SGCZ: variants seen among roughly 807,000 people sequenced by gnomAD.
SGCZ encodes zeta-sarcoglycan.
In SGCZ, 40 loss-of-function variants were observed where a neutral mutation model predicts 41.3. That is an observed-to-expected ratio of 0.97 (90% CI 0.75 to 1.26). The LOEUF (loss-of-function observed/expected upper bound fraction) is 1.26, where lower values mean the gene tolerates loss of function less well. Ranked by LOEUF, SGCZ falls within the 50% of genes most tolerant of loss-of-function variation. The pLI, the probability that SGCZ is intolerant of heterozygous loss-of-function variation, is 0.00. For missense variants in SGCZ, 552 were observed against 369.8 expected (o/e 1.49, Z -4.04); for synonymous variants, 206 against 137.5 (o/e 1.50, Z -3.49).
At chr8:14,980,360 T>C (rs957685125) in intron 1 of SGCZ, among the ~76,000 whole-genome samples, 1 of 152,232 alleles carries the variant, frequency 6.6e-6, no homozygotes, top group Admixed American at 6.5e-5. Flanking sequence ...AAGTATTGAC[T>C]TGACATCAGA....
At chr8:14,140,138 CTG>C (rs1176277138) in intron 5 of SGCZ, among the ~76,000 whole-genome samples, 8 of 152,172 alleles carry the variant, frequency 5.3e-5, no homozygotes, top group Non-Finnish European at 1.2e-4. Context: ...ATGCTAAAAA[CTG>C]TCAATAAACT....
At chr8:14,101,923 C>CGCTCTGTCGCCCCAGGCTG (rs1325468521) in intron 7 of SGCZ, among the ~76,000 whole-genome samples, 3 of 151,698 alleles carry the variant, frequency 2.0e-5, no homozygotes, top group Non-Finnish European at 4.4e-5. Context: ...GACGGAGTCT[C>CGCTCTGTCGCCCCAGGCTG]GCTCTGTCGC....
intron 2 of SGCZ, among the ~76,000 whole-genome samples, chr8:14,498,492 C>A (rs1334584193): frequency 6.6e-6 from 1 of 151,960 alleles, no homozygotes; most frequent in African/African-American, 2.4e-5. Context: ...TTTTTGCTTT[C>A]AATCATAAAA....
chr8:14,319,280 A>C (rs540645852), intron 3 of SGCZ, among the ~76,000 whole-genome samples: 121 of 152,096 alleles, frequency 8.0e-4, no homozygotes, highest in Admixed American at 2.4e-3. Context: ...GAAAAATACC[A>C]AGGTGCCCTT....
intron 1 of SGCZ, among the ~76,000 whole-genome samples, chr8:14,606,688 G>A (rs1011002423): frequency 6.6e-6 from 1 of 152,096 alleles, no homozygotes; most frequent in Non-Finnish European, 1.5e-5. Context: ...AAGTCCACAG[G>A]TATTTTGTTC....
chr8:14,578,217 G>A (rs1261531213), intron 1 of SGCZ, among the ~76,000 whole-genome samples: 1 of 152,176 alleles, frequency 6.6e-6, no homozygotes, highest in African/African-American at 2.4e-5. Flanking sequence ...TTCATCTATA[G>A]CCATCAGTTG....
intron 2 of SGCZ, among the ~76,000 whole-genome samples, chr8:14,356,867 T>A (rs1325833544): frequency 1.3e-5 from 2 of 152,090 alleles, no homozygotes; most frequent in African/African-American, 4.8e-5. Flanking sequence ...AATTGCAATT[T>A]GTTTTTAGAT....
intron 1 of SGCZ, among the ~76,000 whole-genome samples, chr8:15,062,619 T>G (rs1804978744): frequency 6.6e-6 from 1 of 152,158 alleles, no homozygotes; most frequent in Non-Finnish European, 1.5e-5. Flanking sequence ...AAAAATAACA[T>G]TTTGATTTAA....
At chr8:14,453,170 A>G (rs1315457190) in intron 2 of SGCZ, among the ~76,000 whole-genome samples, 1 of 152,144 alleles carries the variant, frequency 6.6e-6, no homozygotes, top group African/African-American at 2.4e-5. Flanking sequence ...CATCCTGGAC[A>G]TGTATATATT....
chr8:14,268,488 C>A (rs1232729384), intron 3 of SGCZ, among the ~76,000 whole-genome samples: 1 of 151,590 alleles, frequency 6.6e-6, no homozygotes, highest in Non-Finnish European at 1.5e-5. Context: ...TGCTATAACA[C>A]AATTGGAAGT....
intron 7 of SGCZ, among the ~76,000 whole-genome samples, chr8:14,096,371 G>C (rs780134998): frequency 1.3e-4 from 19 of 151,618 alleles, no homozygotes; most frequent in Non-Finnish European, 2.5e-4. Context: ...CAGAACCAAT[G>C]ACAAAAACCA....
chr8:14,629,520 G>A (rs1368072657), intron 1 of SGCZ, among the ~76,000 whole-genome samples: 1 of 151,626 alleles, frequency 6.6e-6, no homozygotes, highest in Non-Finnish European at 1.5e-5. Flanking sequence ...GATATAAAAA[G>A]TGCATAAGAT....
intron 6 of SGCZ, among the ~76,000 whole-genome samples, chr8:14,107,356 T>A (rs1351818221): frequency 6.6e-6 from 1 of 152,162 alleles, no homozygotes; most frequent in African/African-American, 2.4e-5. Context: ...ATGTTGGAAT[T>A]TTCCTGGGTA....
At chr8:14,334,848 A>C (rs1048435015) in intron 2 of SGCZ, among the ~76,000 whole-genome samples, 2 of 152,130 alleles carry the variant, frequency 1.3e-5, no homozygotes, top group Admixed American at 1.3e-4. Context: ...TTCTTCATAT[A>C]TACTTTTTTG....
chr8:15,022,430 G>A lies in SGCZ; in HGVS notation c.39+215155C>T, dbSNP rs183617362. Among the ~76,000 whole-genome samples the A allele has an allele frequency of 8.6e-5, 13 of 151,990 alleles. 1 individual carries two copies. The highest frequency in any genetic ancestry group is 3.9e-4 in the East Asian group (2 of 5,148). The stretch of plus-strand genomic sequence containing the variant: ...ACAATCTCGGCTCACTGGAACCTCC[G>A]CCTCCTGGGTTCAAGCGATTCTCCT... On this transcript the variant is annotated intron_variant, in intron 1 of 7. Transcript: ENST00000382080.
At chr8:15,221,900 TGCAGG>T (rs984611409) in intron 1 of SGCZ, among the ~76,000 whole-genome samples, 49 of 152,212 alleles carry the variant, frequency 3.2e-4, no homozygotes, top group African/African-American at 1.0e-3. Context: ...TGGAACACTC[TGCAGG>T]AATCTGAATG....
At chr8:14,526,729 C>A (rs17119648) in intron 2 of SGCZ, among the ~76,000 whole-genome samples, 6 of 151,972 alleles carry the variant, frequency 3.9e-5, no homozygotes, top group African/African-American at 1.4e-4. Context: ...AAATGCATAT[C>A]ACATCAACTC....
rs530727028 is a variant in SGCZ at position 15,172,361 on chromosome 8, C to T, written c.39+65224G>A. On this transcript the variant is annotated intron_variant, in intron 1 of 7. Transcript: ENST00000382080. ...ATTTTTAGTAGAGACGGGGTTTCAC[C>T]GTGTCAGCCAGGATGGTCTCGATCT... Among the ~76,000 whole-genome samples, 301 of 151,038 alleles carry T rather than the reference C, an allele frequency of 2.0e-3. 2 individuals carry two copies. The highest frequency in any genetic ancestry group is 0.014 in the Middle Eastern group (4 of 292).
intron 1 of SGCZ, among the ~76,000 whole-genome samples, chr8:14,560,145 C>G (rs1423033652): frequency 1.3e-5 from 2 of 151,960 alleles, no homozygotes; most frequent in Non-Finnish European, 2.9e-5. Flanking sequence ...TTCAGCAGAA[C>G]AGTAGGGAAA....
Sources: gnomAD v4.1 joint callset for allele counts (sites outside exome capture counted in the v4.1 genomes callset) on GRCh38, gnomAD v4.1.1 for gene constraint, MANE v1.5 for transcripts, NCBI Gene and HGNC (gene_info 2026-07-23, HGNC 2026-07-21) for gene names.